The following GAK variants were observed in gnomAD, a reference collection of about 807,000 sequenced individuals.
The protein encoded by GAK is cyclin G associated kinase.
Under a neutral mutation model 143.9 loss-of-function variants are expected in GAK, and 79 were observed. The observed-to-expected ratio is 0.55, with a 90% CI of 0.46 to 0.66. The LOEUF is 0.66. GAK is among the 30% of genes least tolerant of loss of function. The probability of loss-of-function intolerance (pLI) is 0.00; values close to 1 mark genes in which losing one functional copy is unlikely to be tolerated. For synonymous variants in GAK, 881 were observed against 765.5 expected, an observed-to-expected ratio of 1.15 and a Z score of -2.49; for missense variants, 1,693 against 1,779.7, an observed-to-expected ratio of 0.95 and a Z score of 0.88.
intron 15 of GAK, among the ~76,000 whole-genome samples, chr4:879,318 C>T (rs953145548): frequency 1.3e-5 from 2 of 152,218 alleles, no homozygotes; most frequent in African/African-American, 4.8e-5. Context: ...TTAAACAAAA[C>T]CACTCATGTT....
At chr4:893,216 C>T (rs1455222223) in intron 9 of GAK, among the ~76,000 whole-genome samples, 161 bp downstream of exon 9, 2 of 150,322 alleles carry the variant, frequency 1.3e-5, no homozygotes, top group Admixed American at 6.6e-5. Flanking sequence ...TGCCTCCCTC[C>T]CCTCTGTGAT....
chr4:861,730 C>T (rs1208397202), intron 23 of GAK, among the ~76,000 whole-genome samples: 1 of 152,248 alleles, frequency 6.6e-6, no homozygotes, highest in East Asian at 1.9e-4. Context: ...CAAACCAGCC[C>T]TATTGCTGAT....
intron 24 of GAK, among the ~76,000 whole-genome samples, chr4:854,853 G>A (rs947236006): frequency 7.2e-5 from 11 of 152,190 alleles, no homozygotes; most frequent in Non-Finnish European, 1.2e-4. Flanking sequence ...AGACCATCCT[G>A]ACTAACACGG....
intron 14 of GAK, among the ~76,000 whole-genome samples, chr4:882,271 C>T (rs1021466572): frequency 1.3e-5 from 2 of 152,234 alleles, no homozygotes; most frequent in African/African-American, 4.8e-5. Context: ...CTCCAACAGG[C>T]TCTGCTGGTG....
intron 16 of GAK, 51 bp from the exon 17 acceptor site, chr4:877,258 AAACAAAAAC>A: frequency 8.2e-7 from 1 of 1,218,520 alleles, no homozygotes; most frequent in Non-Finnish European, 1.2e-6. Context: ...AAAACCAACC[AAACAAAAAC>A]AACAAAAAAC....
chr4:878,922 A>G (rs1714539677), intron 15 of GAK, among the ~76,000 whole-genome samples: 1 of 152,204 alleles, frequency 6.6e-6, no homozygotes, highest in African/African-American at 2.4e-5. Flanking sequence ...CTTCCCAGCC[A>G]CAGGACACTG....
intron 18 of GAK, among the ~76,000 whole-genome samples, chr4:871,214 G>A (rs561107657): frequency 6.6e-6 from 1 of 152,334 alleles, no homozygotes; most frequent in African/African-American, 2.4e-5. Flanking sequence ...CACCGGGCGG[G>A]GCCGCCATGT....
chr4:888,942 C>G lies in GAK; in HGVS notation c.1110G>C (p.Pro370=), dbSNP rs772501769. The change falls in exon 11 of 28, where the codon CCG becomes CCC. Residue 370 remains proline (P), a synonymous_variant. Transcript: ENST00000314167. Reference sequence around the variant, plus strand: ...GCAGAATGTCCAGGAAGCCGCCATACGGCTGGTCGTACTCCGCCAGCGCCA... The same window carrying G: ...GCAGAATGTCCAGGAAGCCGCCATAGGGCTGGTCGTACTCCGCCAGCGCCA... ...GGLALAEYDQ[P]YGGFLDILRG... The G allele has an allele frequency of 6.2e-7, 1 of 1,611,982 alleles. No homozygotes were observed. Among genetic ancestry groups the G allele is most frequent in the East Asian group, 2.2e-5 (1 of 44,852 alleles).
intron 1 of GAK, among the ~76,000 whole-genome samples, chr4:921,304 T>C (rs925629174): frequency 2.0e-5 from 3 of 152,188 alleles, no homozygotes; most frequent in African/African-American, 7.2e-5. Context: ...GGTTTCACTA[T>C]GTTGCCCAGG....
chr4:907,216 AC>A (rs1315281587), intron 4 of GAK, among the ~76,000 whole-genome samples: 2 of 152,188 alleles, frequency 1.3e-5, no homozygotes. Context: ...TGTCCCCAGC[AC>A]AGCCCAGCAC....
intron 22 of GAK, among the ~76,000 whole-genome samples, chr4:865,583 C>T (rs906961417): frequency 1.3e-5 from 2 of 152,222 alleles, no homozygotes; most frequent in African/African-American, 2.4e-5. Context: ...TAAAACCCAC[C>T]AGAGCCCGAG....
chr4:880,835 G>C (rs572952386), intron 15 of GAK, among the ~76,000 whole-genome samples: 2 of 152,176 alleles, frequency 1.3e-5, no homozygotes, highest in South Asian at 4.1e-4. Flanking sequence ...TGTGGGATTT[G>C]GGGGTCATGG....
chr4:877,152 C>T lies in GAK; in HGVS notation c.1912G>A (p.Gly638Arg). ...TGATAGATGACGATGAGCACGTCTCCTTGCACCGTGACGCCCAGGGGAATC... is the reference window on the plus strand; with the variant it reads ...TGATAGATGACGATGAGCACGTCTCTTTGCACCGTGACGCCCAGGGGAATC... ...AVIPLGVTVQ[G>R]DVLIVIYHAR... Residue 638 changes from glycine to arginine, a missense_variant, in exon 17 of 28, where the codon GGA (glycine) becomes AGA (arginine). Around this residue, in one of 2 missense-constraint regions of GAK, gnomAD observed 871 missense variants for 991.0 expected, o/e 0.88. Coordinates refer to ENST00000314167, the MANE Select transcript of GAK (RefSeq NM_005255.4). 1 of 1,614,102 alleles carries T rather than the reference C, an allele frequency of 6.2e-7. No individual in the cohort carries two copies. The highest frequency in any genetic ancestry group is 8.5e-7 in the Non-Finnish European group (1 of 1,179,972).
intron 5 of GAK, 81 bp downstream of exon 5, chr4:904,556 C>T: frequency 7.0e-7 from 1 of 1,423,142 alleles, no homozygotes; most frequent in Non-Finnish European, 9.4e-7. Flanking sequence ...CCTTGAGGTC[C>T]CTGTGGATGA....
At chr4:899,660 T>G (rs1466089251) in intron 5 of GAK, among the ~76,000 whole-genome samples, 1 of 152,196 alleles carries the variant, frequency 6.6e-6, no homozygotes, top group South Asian at 2.1e-4. Flanking sequence ...GCACCCGCCA[T>G]GCCCCAGGAC....
intron 15 of GAK, among the ~76,000 whole-genome samples, 158 bp from the exon 16 acceptor site, chr4:877,967 TTATA>T (rs762125201): frequency 6.6e-6 from 1 of 151,536 alleles, no homozygotes; most frequent in Non-Finnish European, 1.5e-5. Flanking sequence ...TTTCATTTAG[TTATA>T]TATATATGTG....
intron 7 of GAK, 121 bp from the exon 8 acceptor site, chr4:894,130 C>T (rs1227204699): frequency 2.2e-5 from 26 of 1,193,490 alleles, no homozygotes; most frequent in Non-Finnish European, 2.7e-5. Flanking sequence ...ACATCGGAGC[C>T]GTGGGGAGCG....
chr4:883,168 C>A (rs931582345), intron 13 of GAK, 147 bp downstream of exon 13: 3 of 948,388 alleles, frequency 3.2e-6, no homozygotes, highest in Non-Finnish European at 3.1e-6. Flanking sequence ...ACCTCGCCCC[C>A]TCCTGTCCCA....
rs752168895 is a variant in GAK at position 881,965 on chromosome 4, C to A, written c.1603G>T (p.Ala535Ser). The change falls in exon 15 of 28, where the codon GCC (alanine) becomes TCC (serine). Residue 535 changes from alanine (A) to serine (S), a missense_variant. Physicochemically the swap from Ala to Ser is moderately conservative, Grantham distance 99 (BLOSUM62 1). This residue lies in a region of GAK where 871 missense variants were observed against 991.0 expected (regional missense o/e 0.88). Coordinates refer to ENST00000314167, the MANE Select transcript of GAK (RefSeq NM_005255.4). ...FCRLFSTAEA[A>S]VYMFSMKRCP... Reference sequence around the variant, plus strand: ...CGCTTCATGCTGAACATGTACACGGCGGCCTCCGCGGTGCTGAAGAGACGG... The same window carrying A: ...CGCTTCATGCTGAACATGTACACGGAGGCCTCCGCGGTGCTGAAGAGACGG... The A allele has an allele frequency of 1.2e-6, 2 of 1,600,680 alleles. No homozygotes were observed. The highest frequency in any genetic ancestry group is 2.2e-5 in the South Asian group (2 of 88,958).
Sources: allele counts gnomAD v4.1 joint callset (sites outside exome capture counted in the v4.1 genomes callset), GRCh38; gene constraint gnomAD v4.1.1; regional missense constraint gnomAD v4.1.1; transcripts MANE v1.5; gene names NCBI Gene and HGNC (gene_info 2026-07-23, HGNC 2026-07-21).